The following CRPPA variants were observed in gnomAD, a reference collection of about 807,000 sequenced individuals.
CRPPA encodes the protein D-ribitol-5-phosphate cytidylyltransferase.
A neutral mutation model predicts 52.0 loss-of-function variants in CRPPA; 43 were observed. That is an observed-to-expected ratio of 0.83 (90% CI 0.65 to 1.07). The LOEUF (loss-of-function observed/expected upper bound fraction) is 1.07. Ranked by LOEUF, CRPPA falls within the 50% of genes least tolerant of loss-of-function variation. CRPPA has a pLI of 0.00. For synonymous variants in CRPPA, 250 were observed against 203.5 expected (o/e 1.23, Z -1.94); for missense variants, 629 against 551.7 (o/e 1.14, Z -1.40).
intron 1 of CRPPA, among the ~76,000 whole-genome samples, chr7:16,408,213 AG>A (rs1788001309): frequency 6.6e-6 from 1 of 152,194 alleles, no homozygotes; most frequent in Admixed American, 6.5e-5. Context: ...AACAATTGCA[AG>A]CTGTGATTAA....
intron 3 of CRPPA, among the ~76,000 whole-genome samples, chr7:16,340,880 T>C (rs773999723): frequency 2.6e-5 from 4 of 152,150 alleles, no homozygotes; most frequent in Non-Finnish European, 5.9e-5. Flanking sequence ...TGAATGAATA[T>C]AGAAACTATG....
intron 5 of CRPPA, among the ~76,000 whole-genome samples, chr7:16,297,432 GT>G (rs1169474392): frequency 1.3e-5 from 2 of 152,262 alleles, no homozygotes; most frequent in East Asian, 3.9e-4. Flanking sequence ...AGCAGGGAGA[GT>G]GGTAAGGCAG....
intron 3 of CRPPA, among the ~76,000 whole-genome samples, chr7:16,368,889 T>C (rs1198690322): frequency 6.6e-6 from 1 of 152,244 alleles, no homozygotes; most frequent in Non-Finnish European, 1.5e-5. Flanking sequence ...TTAATGTGTA[T>C]GTACTTAATA....
chr7:16,402,770 A>G (rs1449701750), intron 2 of CRPPA, among the ~76,000 whole-genome samples: 1 of 152,166 alleles, frequency 6.6e-6, no homozygotes, highest in Non-Finnish European at 1.5e-5. Flanking sequence ...AATATGAAAG[A>G]GAACTTAGGA....
At position 16,421,113 on chromosome 7, in the gene CRPPA, G is replaced by T; in HGVS notation, c.210C>A (p.Pro70=). ...AGCTGATGAGCGGCCTCTCCAGGAT[G>T]GGGCAGAATTGCTTCGGGGTGGGGA... The part of the protein sequence containing the change: ...MGVPTPKQFC[P]ILERPLISYT... Residue 70 remains proline, a synonymous_variant, in exon 1 of 10, where the codon CCC becomes CCA. Coordinates refer to ENST00000407010, the MANE Select transcript of CRPPA (RefSeq NM_001101426.4). The T allele has an allele frequency of 7.6e-7, 1 of 1,313,216 alleles. No homozygotes were observed. Among genetic ancestry groups the T allele is most frequent in the South Asian group, 2.4e-5 (1 of 42,528 alleles). 81.3% of individuals were successfully genotyped at this position (1,313,216 alleles called of 1,614,324 possible).
intron 9 of CRPPA, among the ~76,000 whole-genome samples, chr7:16,120,634 C>G (rs1385836725): frequency 6.6e-6 from 1 of 152,134 alleles, no homozygotes; most frequent in Non-Finnish European, 1.5e-5. Context: ...GGCTATAAAT[C>G]TCTACTTTTC....
chr7:16,307,093 T>C (rs1784928673), intron 4 of CRPPA, among the ~76,000 whole-genome samples: 1 of 152,150 alleles, frequency 6.6e-6, no homozygotes, highest in Admixed American at 6.5e-5. Flanking sequence ...TAAGGAAATA[T>C]GCTTATAGAC....
chr7:16,221,064 C>T (rs553904307), intron 8 of CRPPA, among the ~76,000 whole-genome samples: 2 of 152,248 alleles, frequency 1.3e-5, no homozygotes, highest in South Asian at 2.1e-4. Context: ...GCTACAGTAA[C>T]CAAAACAGCA....
intron 9 of CRPPA, among the ~76,000 whole-genome samples, chr7:16,151,269 A>G (rs1783071701): frequency 1.3e-5 from 2 of 152,284 alleles, no homozygotes; most frequent in Middle Eastern, 3.4e-3. Flanking sequence ...TGACAAACAT[A>G]AGACAAAGGA....
intron 8 of CRPPA, among the ~76,000 whole-genome samples, chr7:16,227,773 C>T (rs558224135): frequency 6.6e-6 from 1 of 151,756 alleles, no homozygotes; most frequent in Non-Finnish European, 1.5e-5. Flanking sequence ...TCTATTTTTG[C>T]TTTCGTAGCC....
chr7:16,205,811 T>A (rs1781961624), intron 9 of CRPPA, among the ~76,000 whole-genome samples: 1 of 151,042 alleles, frequency 6.6e-6, no homozygotes, highest in Admixed American at 6.6e-5. Flanking sequence ...AAAAAGATGA[T>A]CCTCCCTAAA....
At chr7:16,147,059 T>G (rs935127994) in intron 9 of CRPPA, among the ~76,000 whole-genome samples, 1 of 152,160 alleles carries the variant, frequency 6.6e-6, no homozygotes, top group Non-Finnish European at 1.5e-5. Context: ...TGAAAAGATC[T>G]GGTAGTTTTG....
intron 9 of CRPPA, among the ~76,000 whole-genome samples, chr7:16,185,286 A>G (rs189301113): frequency 6.6e-6 from 1 of 152,238 alleles, no homozygotes; most frequent in African/African-American, 2.4e-5. Flanking sequence ...ATCTCATGAG[A>G]CTTATTCACT....
intron 3 of CRPPA, among the ~76,000 whole-genome samples, chr7:16,360,093 G>A (rs1016473829): frequency 2.5e-4 from 38 of 152,310 alleles, no homozygotes; most frequent in Non-Finnish European, 2.2e-4. Flanking sequence ...CCTAAAGACA[G>A]ATGTTCACGT....
chr7:16,170,833 C>T lies in CRPPA; in HGVS notation c.1251+45233G>A, dbSNP rs536549309. 2.2e-4 allele frequency among the ~76,000 whole-genome samples: 33 copies of T among 152,328 alleles called. 1 individual carries two copies. In the East Asian group the frequency reaches 6.2e-3, roughly 29 times the overall value. Reference sequence around the variant, plus strand: ...CAGCTACTGGCCCAGGTGCTAAGCCCCTCATTGCGCAGCGCCGGCAGCCGC... The same window carrying T: ...CAGCTACTGGCCCAGGTGCTAAGCCTCTCATTGCGCAGCGCCGGCAGCCGC... On this transcript the variant is annotated intron_variant, in intron 9 of 9. Coordinates refer to ENST00000407010, the MANE Select transcript of CRPPA (RefSeq NM_001101426.4).
At chr7:16,167,346 T>C (rs955131688) in intron 9 of CRPPA, among the ~76,000 whole-genome samples, 1 of 152,240 alleles carries the variant, frequency 6.6e-6, no homozygotes, top group African/African-American at 2.4e-5. Context: ...TGTCATCTAA[T>C]TCATAAACTC....
chr7:16,221,547 C>G (rs1361442992), intron 8 of CRPPA, among the ~76,000 whole-genome samples: 3 of 152,098 alleles, frequency 2.0e-5, no homozygotes, highest in Admixed American at 1.3e-4. Flanking sequence ...ACCTACTCAT[C>G]TGACAAAGGG....
chr7:16,349,333 G>T (rs1786090764), intron 3 of CRPPA, among the ~76,000 whole-genome samples: 1 of 152,120 alleles, frequency 6.6e-6, no homozygotes. Flanking sequence ...CTCACTATAT[G>T]AAATTAGTCT....
chr7:16,139,248 T>C (rs1782820954), intron 9 of CRPPA, among the ~76,000 whole-genome samples: 1 of 152,176 alleles, frequency 6.6e-6, no homozygotes, highest in Non-Finnish European at 1.5e-5. Context: ...ACATTGTGAC[T>C]TTGGGCAAAT....
Sources: gnomAD v4.1 joint callset for allele counts (sites outside exome capture counted in the v4.1 genomes callset) on GRCh38, gnomAD v4.1.1 for gene constraint, MANE v1.5 for transcripts, NCBI Gene and HGNC (gene_info 2026-07-23, HGNC 2026-07-21) for gene names.